Variants in ACTR3 observed in about 807,000 individuals in gnomAD.
ACTR3 encodes actin related protein 3.
ACTR3 carries 12 observed loss-of-function variants against 56.8 expected under a neutral mutation model. The observed-to-expected ratio is 0.21, with a 90% CI of 0.14 to 0.34. The LOEUF (loss-of-function observed/expected upper bound fraction) is 0.34, where lower values mean the gene tolerates loss of function less well. ACTR3 is among the 10% of genes least tolerant of loss of function. ACTR3 has a pLI of 1.00. For synonymous variants in ACTR3, 162 were observed against 167.4 expected (o/e 0.97, Z 0.25); for missense variants, 282 against 512.5 (o/e 0.55, Z 4.34).
chr2:113,940,455 C>T (rs1015518863), intron 7 of ACTR3, among the ~76,000 whole-genome samples: 1 of 151,966 alleles, frequency 6.6e-6, no homozygotes, highest in African/African-American at 2.4e-5. Flanking sequence ...TATTTTAATT[C>T]TAAAAGCTTT....
intron 3 of ACTR3, among the ~76,000 whole-genome samples, chr2:113,921,055 T>C (rs746710703): frequency 3.3e-5 from 5 of 152,194 alleles, no homozygotes; most frequent in Non-Finnish European, 7.3e-5. Context: ...CTATGCTTTA[T>C]AGTGGCTTTA....
chr2:113,932,710 T>A (rs936395972), intron 5 of ACTR3, among the ~76,000 whole-genome samples: 1 of 152,224 alleles, frequency 6.6e-6, no homozygotes, highest in Non-Finnish European at 1.5e-5. Flanking sequence ...ATGATAGTTT[T>A]GAACTTACTT....
intron 3 of ACTR3, among the ~76,000 whole-genome samples, chr2:113,925,097 A>G (rs1242890969): frequency 1.3e-5 from 2 of 151,314 alleles, no homozygotes; most frequent in East Asian, 1.9e-4. Context: ...GGGCTTCACC[A>G]TATTGGCCAG....
At chr2:113,957,320 A>AT in intron 11 of ACTR3, 40 bp from the exon 12 acceptor site, 1 of 1,453,710 alleles carries the variant, frequency 6.9e-7, no homozygotes, top group South Asian at 1.1e-5. Context: ...AAGATGGTAG[A>AT]TTTTTGACCC....
intron 8 of ACTR3, among the ~76,000 whole-genome samples, chr2:113,947,437 A>G (rs1204876778): frequency 6.6e-6 from 1 of 152,218 alleles, no homozygotes. Context: ...GAATCACTCA[A>G]GCCCAGGAGT....
At position 113,915,636 on chromosome 2, in the gene ACTR3, G is replaced by C. The variant is rs191210773; in HGVS notation, c.101-1248G>C. ...TATTTCTGCCATCTTAGCAAAATTG[G>C]TTTTGGTTATATTCGTAAATGGCTG... is the stretch of plus-strand genomic sequence containing the variant. On this transcript the variant is annotated intron_variant, in intron 2 of 11. Transcript: ENST00000263238. 1.9e-3 allele frequency among the ~76,000 whole-genome samples: 283 copies of C among 152,232 alleles called. 1 individual carries two copies. Among genetic ancestry groups the C allele is most frequent in the African/African-American group, 6.7e-3 (279 of 41,546 alleles).
At position 113,962,546 on chromosome 2, in the gene ACTR3, G is replaced by A. The variant is rs572422406; in HGVS notation, c.*5091G>A. ...TTATTTGGAATTATATTAGAAAGTCGATATCGGAATTGGAACCACACATCT... is the reference window on the plus strand; with the variant it reads ...TTATTTGGAATTATATTAGAAAGTCAATATCGGAATTGGAACCACACATCT... On this transcript the variant is annotated 3_prime_UTR_variant, in exon 12 of 12. Coordinates refer to ENST00000263238, the MANE Select transcript of ACTR3 (RefSeq NM_005721.5). The A allele has an allele frequency of 4.0e-5, 6 of 150,894 alleles. No homozygotes were observed. Among genetic ancestry groups the A allele is most frequent in the Non-Finnish European group, 8.9e-5 (6 of 67,256 alleles). 9.3% of individuals were successfully genotyped at this position (150,894 alleles called of 1,614,324 possible).
chr2:113,893,494 A>G (rs1256790375), intron 1 of ACTR3, among the ~76,000 whole-genome samples: 1 of 152,122 alleles, frequency 6.6e-6, no homozygotes, highest in Non-Finnish European at 1.5e-5. Flanking sequence ...GGGTTTCACC[A>G]TGTTGACCAG....
intron 3 of ACTR3, among the ~76,000 whole-genome samples, chr2:113,926,937 G>A (rs55688180): frequency 0.074 from 11,223 of 151,724 alleles, 463 homozygotes; most frequent in African/African-American, 0.1. Context: ...TTTTATATTC[G>A]GCATACAACA....
Position 113,914,909 on chromosome 2 carries a change from A to T in ACTR3, c.100+1682A>T, listed in dbSNP as rs145723847. ...TTTATTATTACCTTTTAAATATTTT[A>T]TTCATGCATGTTTGTTATCTACTGA... On this transcript the variant is annotated intron_variant, in intron 2 of 11. Coordinates refer to ENST00000263238, the MANE Select transcript of ACTR3 (RefSeq NM_005721.5). Among the ~76,000 whole-genome samples the T allele has an allele frequency of 3.2e-4, 48 of 152,266 alleles. No homozygotes were observed. The East Asian group carries it at 5.6e-3, about 18-fold the overall frequency.
chr2:113,938,037 CTT>C (rs533032428), intron 6 of ACTR3, among the ~76,000 whole-genome samples: 109 of 151,938 alleles, frequency 7.2e-4, no homozygotes, highest in South Asian at 5.8e-3. Context: ...TTTTTATAAT[CTT>C]TTTCTTTTTT....
At chr2:113,892,941 A>C (rs1678933631) in intron 1 of ACTR3, among the ~76,000 whole-genome samples, 1 of 152,238 alleles carries the variant, frequency 6.6e-6, no homozygotes, top group Non-Finnish European at 1.5e-5. Context: ...GCAAAACTCA[A>C]CATATGAATC....
In ACTR3 at chr2:113,891,615, CT is replaced by C. The variant is rs759673666; in HGVS notation, c.44+1302del. ...AGTCAGTAAGAGGTGGACTGTCAGG[CT>C]TTTTTTTTTATTATTAATTATAATT... On this transcript the variant is annotated intron_variant, in intron 1 of 11. Transcript: ENST00000263238. Among the ~76,000 whole-genome samples the C allele has an allele frequency of 2.0e-3, 285 of 144,730 alleles. 1 individual carries two copies. Among genetic ancestry groups the C allele is most frequent in the African/African-American group, 6.4e-3 (253 of 39,474 alleles). 94.9% of individuals were successfully genotyped at this position (144,730 alleles called of 152,430 possible). A position where few individuals can be genotyped will look rare whatever the true frequency, so the allele number is the denominator to read the frequency against.
At chr2:113,939,183 C>G (rs1679881859) in intron 6 of ACTR3, among the ~76,000 whole-genome samples, 1 of 151,658 alleles carries the variant, frequency 6.6e-6, no homozygotes, top group Admixed American at 6.6e-5. Flanking sequence ...GCCACCATGC[C>G]CGGCTAATTT....
intron 1 of ACTR3, among the ~76,000 whole-genome samples, chr2:113,894,080 A>G (rs1678958243): frequency 1.3e-5 from 2 of 151,966 alleles, no homozygotes; most frequent in South Asian, 4.2e-4. Flanking sequence ...ATTGTTTAAT[A>G]ATAATGCTGT....
rs115859685 is a variant in ACTR3, at chr2:113,950,118, T to C, written c.859-1361T>C. ...TGAGCCTCTGGTAACATTTTTGTTA[T>C]CCCATTAACATATACCCTTGTTTCA... On this transcript the variant is annotated intron_variant, in intron 8 of 11. Coordinates refer to ENST00000263238, the MANE Select transcript of ACTR3 (RefSeq NM_005721.5). Among the ~76,000 whole-genome samples, 1,169 of 152,332 alleles carry C rather than the reference T, an allele frequency of 7.7e-3. 14 individuals are homozygous for C. The highest frequency in any genetic ancestry group is 0.026 in the African/African-American group (1,063 of 41,570).
At chr2:113,934,232 G>GTTTTTTTTTTTTTTTTTTTTTTTTTTTTT in intron 5 of ACTR3, 47 bp from the exon 6 acceptor site, 4 of 954,508 alleles carry the variant, frequency 4.2e-6, no homozygotes, top group Non-Finnish European at 5.9e-6. Context: ...TTGTTTTTTT[G>GTTTTTTTTTTTTTTTTTTTTTTTTTTTTT]TTTTTTTTTT....
chr2:113,942,047 C>A, intron 7 of ACTR3, 139 bp from the exon 8 acceptor site: 1 of 632,886 alleles, frequency 1.6e-6, no homozygotes, highest in Non-Finnish European at 2.5e-6. Context: ...ACAAATTTTT[C>A]TTCCAGCTTA....
intron 1 of ACTR3, among the ~76,000 whole-genome samples, chr2:113,892,791 T>G (rs1374006251): frequency 6.6e-6 from 1 of 152,206 alleles, no homozygotes; most frequent in Non-Finnish European, 1.5e-5. Flanking sequence ...ATCAGGTTGC[T>G]CATTTCATTC....
Sources: allele counts gnomAD v4.1 joint callset (sites outside exome capture counted in the v4.1 genomes callset), GRCh38; gene constraint gnomAD v4.1.1; transcripts MANE v1.5; gene names NCBI Gene and HGNC (gene_info 2026-07-23, HGNC 2026-07-21).